Variants in HTR4 observed in about 807,000 individuals in gnomAD.
HTR4 encodes 5-hydroxytryptamine receptor 4, also known as 5-hydroxytryptamine (serotonin) receptor 4, G protein-coupled.
Under a neutral mutation model 36.8 loss-of-function variants are expected in HTR4, and 16 were observed. The observed-to-expected ratio is 0.43, with a 90% CI of 0.29 to 0.66. The LOEUF (loss-of-function observed/expected upper bound fraction) is 0.66, where lower values mean the gene tolerates loss of function less well. HTR4 is among the 30% of genes least tolerant of loss of function. The pLI is 0.13. For missense variants in HTR4, 438 were observed against 490.9 expected (o/e 0.89, Z 1.02); for synonymous variants, 189 against 185.1 (o/e 1.02, Z -0.17).
intron 2 of HTR4, among the ~76,000 whole-genome samples, chr5:148,624,660 C>T (rs1026649655): frequency 2.0e-5 from 3 of 152,176 alleles, no homozygotes; most frequent in African/African-American, 7.2e-5. Context: ...TCTTTTCACT[C>T]TCCCGTCTCT....
chr5:148,453,692 G>C (rs192582289), intron 5 of HTR4, among the ~76,000 whole-genome samples: 1 of 152,286 alleles, frequency 6.6e-6, no homozygotes, highest in East Asian at 1.9e-4. Flanking sequence ...AAGTGGGCGG[G>C]GGTGGGCTTG....
At chr5:148,622,958 T>C (rs1472689748) in intron 2 of HTR4, among the ~76,000 whole-genome samples, 2 of 152,316 alleles carry the variant, frequency 1.3e-5, no homozygotes, top group South Asian at 2.1e-4. Context: ...TGGAAATGTA[T>C]GTCCAATGAA....
chr5:148,651,167 G>T (rs1222496468), intron 1 of HTR4, among the ~76,000 whole-genome samples: 2 of 152,194 alleles, frequency 1.3e-5, no homozygotes, highest in Non-Finnish European at 2.9e-5. Context: ...TTAGAACAGT[G>T]TCTGGCACAT....
chr5:148,550,095 G>C (rs928443966), intron 3 of HTR4, 42 bp downstream of exon 3: 14 of 1,610,738 alleles, frequency 8.7e-6, no homozygotes, highest in Non-Finnish European at 1.2e-5. Flanking sequence ...GGACAGCTCA[G>C]AACTCCCATG....
At chr5:148,598,283 G>A (rs1053311250) in intron 2 of HTR4, among the ~76,000 whole-genome samples, 3 of 152,176 alleles carry the variant, frequency 2.0e-5, no homozygotes, top group Non-Finnish European at 2.9e-5. Context: ...AGTGGCTCAT[G>A]CCTGTAATCA....
intron 2 of HTR4, among the ~76,000 whole-genome samples, chr5:148,566,879 T>C (rs1760462944): frequency 6.6e-6 from 1 of 152,118 alleles, no homozygotes; most frequent in African/African-American, 2.4e-5. Context: ...TAAAAAAATT[T>C]GAATTATTTC....
chr5:148,580,432 C>T (rs972695165), intron 2 of HTR4, among the ~76,000 whole-genome samples: 6 of 152,038 alleles, frequency 3.9e-5, no homozygotes, highest in African/African-American at 1.4e-4. Flanking sequence ...TCCTATTAAC[C>T]AATGAGTAAG....
intron 6 of HTR4, among the ~76,000 whole-genome samples, chr5:148,508,976 G>A (rs1266484438): frequency 2.0e-5 from 3 of 151,762 alleles, no homozygotes; most frequent in African/African-American, 4.8e-5. Flanking sequence ...GCTAGTAGGA[G>A]CACCGAGAAT....
At chr5:148,612,938 G>C (rs1752501268) in intron 2 of HTR4, among the ~76,000 whole-genome samples, 1 of 150,354 alleles carries the variant, frequency 6.7e-6, no homozygotes, top group Non-Finnish European at 1.5e-5. Context: ...AGAAGAAATG[G>C]ATAAATTCCT....
intron 2 of HTR4, among the ~76,000 whole-genome samples, chr5:148,603,175 C>A (rs1270083386): frequency 6.6e-6 from 1 of 151,800 alleles, no homozygotes; most frequent in Non-Finnish European, 1.5e-5. Flanking sequence ...AAAACATGAA[C>A]AAATTGAATA....
chr5:148,505,434 C>G (rs181370426), intron 6 of HTR4, among the ~76,000 whole-genome samples: 41 of 152,248 alleles, frequency 2.7e-4, no homozygotes, highest in Non-Finnish European at 4.7e-4. Flanking sequence ...TGGGCAAAAA[C>G]TGGAAGCATT....
chr5:148,626,681 A>G (rs1286968899), intron 2 of HTR4, among the ~76,000 whole-genome samples: 1 of 152,212 alleles, frequency 6.6e-6, no homozygotes, highest in Non-Finnish European at 1.5e-5. Context: ...AGAGAATAAA[A>G]TGATCCCTTT....
chr5:148,604,105 G>T (rs1273638680), intron 2 of HTR4, among the ~76,000 whole-genome samples: 1 of 152,022 alleles, frequency 6.6e-6, no homozygotes, highest in Non-Finnish European at 1.5e-5. Context: ...TTCTCTTCAC[G>T]ACCTTGAGGT....
chr5:148,486,467 G>A (rs1379062867), intron 6 of HTR4, among the ~76,000 whole-genome samples: 2 of 152,140 alleles, frequency 1.3e-5, no homozygotes, highest in Non-Finnish European at 2.9e-5. Flanking sequence ...GGGTTCTAAT[G>A]CCTTTGGAGC....
At position 148,654,231 on chromosome 5, in the gene HTR4, C is replaced by T; in HGVS notation, c.-217G>A. The T allele has an allele frequency of 1.0e-6, 1 of 985,254 alleles. No homozygotes were observed. Among genetic ancestry groups the T allele is most frequent in the Non-Finnish European group, 1.2e-6 (1 of 829,868 alleles). 61.0% of individuals were successfully genotyped at this position (985,254 alleles called of 1,614,324 possible). ...TCCAGCCCCCGCGCTGGGGAGCCGGCGAGCGTGAGGCGCGGGCCAGGGGCT... is the reference window on the plus strand; with the variant it reads ...TCCAGCCCCCGCGCTGGGGAGCCGGTGAGCGTGAGGCGCGGGCCAGGGGCT... On this transcript the variant is annotated 5_prime_UTR_variant, in exon 1 of 7. Coordinates refer to ENST00000377888, the MANE Select transcript of HTR4 (RefSeq NM_000870.7).
At position 148,633,392 on chromosome 5, in the gene HTR4, T is replaced by A. The variant is rs541974835; in HGVS notation, c.26+3597A>T. Among the ~76,000 whole-genome samples the A allele has an allele frequency of 8.4e-4, 128 of 152,030 alleles. 1 individual carries two copies. The highest frequency in any genetic ancestry group is 1.7e-3 in the Non-Finnish European group (113 of 67,950). Reference sequence around the variant, plus strand: ...CTTACTATTAGAATTCTTTTTTTTTTATTATACTTTAAGTTTTAGGGTACA... The same window carrying A: ...CTTACTATTAGAATTCTTTTTTTTTAATTATACTTTAAGTTTTAGGGTACA... On this transcript the variant is annotated intron_variant, in intron 2 of 6. Coordinates refer to ENST00000377888, the MANE Select transcript of HTR4 (RefSeq NM_000870.7).
intron 5 of HTR4, among the ~76,000 whole-genome samples, chr5:148,458,070 T>A (rs1561558817): frequency 2.2e-5 from 3 of 136,942 alleles, no homozygotes; most frequent in African/African-American, 5.3e-5. Flanking sequence ...TAAGATCTAT[T>A]TAATAGATCT....
At chr5:148,499,801 C>T (rs1239988358) in intron 6 of HTR4, among the ~76,000 whole-genome samples, 4 of 152,162 alleles carry the variant, frequency 2.6e-5, no homozygotes, top group African/African-American at 9.7e-5. Context: ...GCCCTCCTTG[C>T]AGTAACAAGC....
At chr5:148,581,827 T>G (rs1761148508) in intron 2 of HTR4, among the ~76,000 whole-genome samples, 1 of 152,134 alleles carries the variant, frequency 6.6e-6, no homozygotes, top group East Asian at 1.9e-4. Flanking sequence ...TAAGGTCTTT[T>G]GCAGTTGCAT....
Sources: allele counts gnomAD v4.1 joint callset (sites outside exome capture counted in the v4.1 genomes callset), GRCh38; gene constraint gnomAD v4.1.1; transcripts MANE v1.5; gene names NCBI Gene and HGNC (gene_info 2026-07-23, HGNC 2026-07-21).